Variants in CFAP299 observed in about 807,000 individuals in gnomAD.
The protein encoded by CFAP299 is cilia- and flagella-associated protein 299.
Under a neutral mutation model 27.0 loss-of-function variants are expected in CFAP299, and 21 were observed. That is an observed-to-expected ratio of 0.78 (90% CI 0.55 to 1.12). The LOEUF (loss-of-function observed/expected upper bound fraction) is 1.12. Ranked by LOEUF, CFAP299 falls within the 50% of genes most tolerant of loss-of-function variation. CFAP299 has a pLI of 0.00. For missense variants in CFAP299, 310 were observed against 276.6 expected (o/e 1.12, Z -0.86); for synonymous variants, 104 against 98.1 (o/e 1.06, Z -0.36).
At chr4:80,673,555 G>T (rs1341182583) in intron 3 of CFAP299, among the ~76,000 whole-genome samples, 3 of 152,074 alleles carry the variant, frequency 2.0e-5, no homozygotes, top group Admixed American at 6.6e-5. Flanking sequence ...GTTCAAGTCT[G>T]GATATCCTTA....
chr4:80,571,273 A>C (rs555668753), intron 2 of CFAP299, among the ~76,000 whole-genome samples: 87 of 152,260 alleles, frequency 5.7e-4, no homozygotes, highest in African/African-American at 2.0e-3. Context: ...ATTCAAGATA[A>C]GGAAGTTTTT....
intron 2 of CFAP299, among the ~76,000 whole-genome samples, chr4:80,471,918 C>T (rs958520283): frequency 2.0e-5 from 3 of 152,176 alleles, no homozygotes; most frequent in African/African-American, 4.8e-5. Context: ...TCGCAGCTTT[C>T]GGTTTGCTTT....
rs541788768 is a variant in CFAP299, at chr4:80,361,929, G to T, written c.112-825G>T. 5.1e-4 allele frequency among the ~76,000 whole-genome samples: 77 copies of T among 152,042 alleles called. 1 individual carries two copies. Among genetic ancestry groups the T allele is most frequent in the Non-Finnish European group, 1.8e-4 (12 of 67,934 alleles). On this transcript the variant is annotated intron_variant, in intron 1 of 5. Transcript: ENST00000358105. ...TAGATATTTTATTTTTAATTAAAAT[G>T]ATAATGGCCACTATTAATATATAAA... is the stretch of plus-strand genomic sequence containing the variant.
At chr4:80,674,938 G>T (rs560924050) in intron 3 of CFAP299, among the ~76,000 whole-genome samples, 1 of 152,116 alleles carries the variant, frequency 6.6e-6, no homozygotes, top group Admixed American at 6.5e-5. Context: ...TTTTTTCAAG[G>T]TTTTTAGCTT....
intron 4 of CFAP299, among the ~76,000 whole-genome samples, chr4:80,889,594 G>T (rs1013563485): frequency 7.9e-5 from 12 of 152,036 alleles, no homozygotes; most frequent in African/African-American, 2.9e-4. Context: ...GAAAAATAGA[G>T]GAAGACAGAA....
chr4:80,723,140 A>G (rs527469699), intron 3 of CFAP299, among the ~76,000 whole-genome samples: 1 of 152,162 alleles, frequency 6.6e-6, no homozygotes, highest in African/African-American at 2.4e-5. Flanking sequence ...ACTCTCATAT[A>G]CTGCTAATGG....
chr4:80,621,180 G>A (rs921602649), intron 3 of CFAP299, among the ~76,000 whole-genome samples: 2 of 151,932 alleles, frequency 1.3e-5, no homozygotes, highest in Non-Finnish European at 2.9e-5. Context: ...TATAGGCAAG[G>A]GGCTACATTC....
intron 2 of CFAP299, among the ~76,000 whole-genome samples, chr4:80,429,952 G>T (rs983581955): frequency 6.6e-6 from 1 of 151,264 alleles, no homozygotes; most frequent in Non-Finnish European, 1.5e-5. Flanking sequence ...TTATTTCCAA[G>T]TTTTTTTTTA....
chr4:80,468,442 T>C (rs927629417), intron 2 of CFAP299, among the ~76,000 whole-genome samples: 1 of 151,952 alleles, frequency 6.6e-6, no homozygotes, highest in Non-Finnish European at 1.5e-5. Flanking sequence ...CAGGCTGGTC[T>C]CAACTCCTGA....
chr4:80,586,124 G>A (rs776911247), intron 3 of CFAP299, among the ~76,000 whole-genome samples: 5 of 152,056 alleles, frequency 3.3e-5, no homozygotes, highest in Non-Finnish European at 5.9e-5. Context: ...GGACATTACT[G>A]TATTTTCTAA....
At chr4:80,379,790 T>G (rs1405096362) in intron 2 of CFAP299, among the ~76,000 whole-genome samples, 1 of 152,106 alleles carries the variant, frequency 6.6e-6, no homozygotes, top group East Asian at 1.9e-4. Context: ...TTGTTTACAT[T>G]TATTGACATT....
At chr4:80,949,494 A>C (rs189936885) in intron 5 of CFAP299, among the ~76,000 whole-genome samples, 6 of 151,958 alleles carry the variant, frequency 3.9e-5, no homozygotes, top group Admixed American at 3.3e-4. Context: ...TAGAAATTGA[A>C]CTAGATGCTC....
At position 80,813,823 on chromosome 4, in the gene CFAP299, T is replaced by G. The variant is rs553377425; in HGVS notation, c.334-56170T>G. On this transcript the variant is annotated intron_variant, in intron 3 of 5. Transcript: ENST00000358105. ...GCAAATCCTGATGCAGTAAAAACTT[T>G]GATATAATTTATTATCCAGAAAAGG... Among the ~76,000 whole-genome samples the G allele has an allele frequency of 5.3e-5, 8 of 152,104 alleles. No individual in the cohort carries two copies. In the South Asian group the frequency reaches 1.7e-3, roughly 32 times the overall value.
chr4:80,447,404 G>A lies in CFAP299; in HGVS notation c.242+84520G>A, dbSNP rs1399516479. ...CCCGCCTCGGCCTCCCAAAGTGCTG[G>A]GATTACAGGCGTGAGCCACCGCGCC... On this transcript the variant is annotated intron_variant, in intron 2 of 5. Coordinates refer to ENST00000358105, the MANE Select transcript of CFAP299 (RefSeq NM_152770.3). Among the ~76,000 whole-genome samples, 2 of 145,364 alleles carry A rather than the reference G, an allele frequency of 1.4e-5. 1 individual carries two copies. The highest frequency in any genetic ancestry group is 5.1e-5 in the African/African-American group (2 of 39,326).
intron 3 of CFAP299, among the ~76,000 whole-genome samples, chr4:80,739,995 CT>C: frequency 6.6e-6 from 1 of 152,192 alleles, no homozygotes; most frequent in Middle Eastern, 3.4e-3. Flanking sequence ...TCTAACATTT[CT>C]GCTTTTTTCT....
chr4:80,908,615 C>A (rs925031870), intron 4 of CFAP299, among the ~76,000 whole-genome samples: 3 of 152,182 alleles, frequency 2.0e-5, no homozygotes, highest in African/African-American at 7.2e-5. Flanking sequence ...CACTCTGTTT[C>A]TCATTATATC....
At chr4:80,487,886 G>T (rs1180186008) in intron 2 of CFAP299, among the ~76,000 whole-genome samples, 2 of 152,142 alleles carry the variant, frequency 1.3e-5, no homozygotes, top group African/African-American at 4.8e-5. Flanking sequence ...TCATCGATGG[G>T]AATATGTGAT....
At chr4:80,934,382 G>A (rs964761457) in intron 4 of CFAP299, among the ~76,000 whole-genome samples, 5 of 151,994 alleles carry the variant, frequency 3.3e-5, no homozygotes, top group Non-Finnish European at 7.4e-5. Flanking sequence ...GTCTCTGCAG[G>A]TGGATTCTTT....
intron 2 of CFAP299, among the ~76,000 whole-genome samples, chr4:80,582,339 A>G (rs575524034): frequency 1.4e-4 from 21 of 151,856 alleles, no homozygotes; most frequent in Non-Finnish European, 2.8e-4. Flanking sequence ...GTTTACCTCT[A>G]TGAGACCATA....
Sources: gnomAD v4.1 joint callset for allele counts (sites outside exome capture counted in the v4.1 genomes callset) on GRCh38, gnomAD v4.1.1 for gene constraint, MANE v1.5 for transcripts, NCBI Gene and HGNC (gene_info 2026-07-23, HGNC 2026-07-21) for gene names.